Variants in EEPD1 observed in about 807,000 individuals in gnomAD.
The protein encoded by EEPD1 is endonuclease/exonuclease/phosphatase family domain-containing protein 1.
Under a neutral mutation model 46.3 loss-of-function variants are expected in EEPD1, and 17 were observed. The ratio of observed to expected loss-of-function variants is 0.37; its 90% CI spans 0.25 to 0.55. The LOEUF (loss-of-function observed/expected upper bound fraction) is 0.55. EEPD1 is among the 20% of genes least tolerant of loss of function. EEPD1 has a pLI of 0.83. For missense variants in EEPD1, 673 were observed against 745.6 expected (o/e 0.90, Z 1.13); for synonymous variants, 313 against 315.6 (o/e 0.99, Z 0.09).
chr7:36,228,330 C>A (rs150632277), intron 2 of EEPD1, among the ~76,000 whole-genome samples: 1,641 of 152,210 alleles, frequency 0.011, 27 homozygotes, highest in African/African-American at 0.038. Flanking sequence ...GACTTTGAGA[C>A]CAGTCTGGCC....
intron 3 of EEPD1, among the ~76,000 whole-genome samples, chr7:36,245,825 C>T (rs1332895554): frequency 1.3e-5 from 2 of 152,162 alleles, no homozygotes; most frequent in Non-Finnish European, 2.9e-5. Flanking sequence ...GTCCCAAGAG[C>T]AAGAACTTGC....
At chr7:36,176,836 T>C (rs1478812292) in intron 2 of EEPD1, among the ~76,000 whole-genome samples, 3 of 152,186 alleles carry the variant, frequency 2.0e-5, no homozygotes, top group Admixed American at 6.5e-5. Flanking sequence ...AAATAACATA[T>C]GGCATAAAGT....
chr7:36,175,734 T>A (rs1785165325), intron 2 of EEPD1, among the ~76,000 whole-genome samples: 1 of 152,050 alleles, frequency 6.6e-6, no homozygotes. Flanking sequence ...ATGAACATGC[T>A]CTTAGGAGCA....
At chr7:36,173,226 G>A (rs1014093161) in intron 2 of EEPD1, among the ~76,000 whole-genome samples, 11 of 149,820 alleles carry the variant, frequency 7.3e-5, no homozygotes, top group African/African-American at 2.5e-4. Context: ...TGGTTTAAAA[G>A]TGTTTGGCTC....
At chr7:36,242,672 C>T (rs1475311124) in intron 3 of EEPD1, among the ~76,000 whole-genome samples, 1 of 151,148 alleles carries the variant, frequency 6.6e-6, no homozygotes, top group Non-Finnish European at 1.5e-5. Context: ...CCTGTAATCT[C>T]AGCACTTTGG....
intron 3 of EEPD1, among the ~76,000 whole-genome samples, chr7:36,261,949 C>T (rs1786931733): frequency 6.6e-6 from 1 of 152,124 alleles, no homozygotes; most frequent in Admixed American, 6.5e-5. Flanking sequence ...TAGGCCTGAA[C>T]AAGATTTCAA....
At chr7:36,155,908 A>G (rs905655479) in intron 2 of EEPD1, among the ~76,000 whole-genome samples, 1 of 152,238 alleles carries the variant, frequency 6.6e-6, no homozygotes, top group Admixed American at 6.5e-5. Context: ...CGTTTATGTT[A>G]TTCACAATAC....
chr7:36,243,390 C>A (rs1786587439), intron 3 of EEPD1, among the ~76,000 whole-genome samples: 1 of 151,838 alleles, frequency 6.6e-6, no homozygotes, highest in African/African-American at 2.4e-5. Flanking sequence ...TTTTAGTTCA[C>A]CTGCGTCTTC....
chr7:36,242,455 T>C (rs1786569858), intron 3 of EEPD1, among the ~76,000 whole-genome samples: 1 of 152,198 alleles, frequency 6.6e-6, no homozygotes, highest in Non-Finnish European at 1.5e-5. Flanking sequence ...TGTTCATTCA[T>C]TCATTCATTC....
At chr7:36,265,931 C>T (rs1205849100) in intron 3 of EEPD1, among the ~76,000 whole-genome samples, 2 of 152,176 alleles carry the variant, frequency 1.3e-5, no homozygotes, top group East Asian at 1.9e-4. Context: ...GCTGGCATTT[C>T]CTGCCAAAGT....
At chr7:36,156,500 ATTG>A (rs1784827148) in intron 2 of EEPD1, among the ~76,000 whole-genome samples, 1 of 152,172 alleles carries the variant, frequency 6.6e-6, no homozygotes, top group South Asian at 2.1e-4. Flanking sequence ...TGGCTTGATA[ATTG>A]TTCTCTTTAT....
intron 2 of EEPD1, among the ~76,000 whole-genome samples, chr7:36,157,863 C>T (rs1374857834): frequency 6.6e-6 from 1 of 152,144 alleles, no homozygotes; most frequent in Non-Finnish European, 1.5e-5. Flanking sequence ...CACCCATTCT[C>T]CAAGAGCTGT....
intron 3 of EEPD1, among the ~76,000 whole-genome samples, chr7:36,278,425 A>T (rs1364110707): frequency 6.9e-6 from 1 of 144,870 alleles, no homozygotes; most frequent in Non-Finnish European, 1.5e-5. Context: ...AGGGAGTCAC[A>T]GCACCTTGGT....
chr7:36,240,319 G>A (rs1213590954), intron 3 of EEPD1, among the ~76,000 whole-genome samples: 1 of 152,182 alleles, frequency 6.6e-6, no homozygotes, highest in African/African-American at 2.4e-5. Flanking sequence ...TTGGCACTAA[G>A]ACAAATAAAG....
At chr7:36,280,016 C>T (rs151333475) in intron 3 of EEPD1, among the ~76,000 whole-genome samples, 2 of 152,196 alleles carry the variant, frequency 1.3e-5, no homozygotes, top group East Asian at 3.9e-4. Flanking sequence ...AAGACACATG[C>T]GACAGTGGAA....
At chr7:36,259,825 A>G (rs1469636046) in intron 3 of EEPD1, among the ~76,000 whole-genome samples, 1 of 152,086 alleles carries the variant, frequency 6.6e-6, no homozygotes, top group African/African-American at 2.4e-5. Flanking sequence ...CTATTATCTT[A>G]TATATTTTTA....
At chr7:36,197,381 C>G (rs1583802613) in intron 2 of EEPD1, among the ~76,000 whole-genome samples, 4 of 152,256 alleles carry the variant, frequency 2.6e-5, no homozygotes, top group Admixed American at 1.3e-4. Context: ...TGAGGAGCCC[C>G]TCTGCCCGGC....
chr7:36,215,389 C>T (rs1413954773), intron 2 of EEPD1, among the ~76,000 whole-genome samples: 1 of 152,146 alleles, frequency 6.6e-6, no homozygotes, highest in African/African-American at 2.4e-5. Context: ...AACTGCAGCT[C>T]TCAGTATGGA....
chr7:36,196,623 G>C (rs912801344), intron 2 of EEPD1, among the ~76,000 whole-genome samples: 1 of 152,228 alleles, frequency 6.6e-6, no homozygotes, highest in South Asian at 2.1e-4. Context: ...TGTGTTGGCC[G>C]GACTGGTCTC....
Sources: gnomAD v4.1 joint callset for allele counts (sites outside exome capture counted in the v4.1 genomes callset) on GRCh38, gnomAD v4.1.1 for gene constraint, MANE v1.5 for transcripts, NCBI Gene and HGNC (gene_info 2026-07-23, HGNC 2026-07-21) for gene names.